The following NEB variants were observed in gnomAD, a reference collection of about 807,000 sequenced individuals.
The protein encoded by NEB is nemaline myopathy type 2.
Under a neutral mutation model 952.2 loss-of-function variants are expected in NEB, and 512 were observed. The observed-to-expected ratio is 0.54, with a 90% CI of 0.50 to 0.58. The LOEUF (loss-of-function observed/expected upper bound fraction) is 0.58, where lower values mean the gene tolerates loss of function less well. Among genes scored for constraint, NEB ranks in the 20% least tolerant of loss-of-function variants. NEB has a pLI of 0.00. For missense variants in NEB, 8,428 were observed against 9,231.1 expected, an observed-to-expected ratio of 0.91 and a Z score of 3.56; for synonymous variants, 2,900 against 3,149.8, an observed-to-expected ratio of 0.92 and a Z score of 2.66.
At chr2:151,567,670 A>C (rs1030399520) in intron 113 of NEB, among the ~76,000 whole-genome samples, 191 bp from the exon 114 acceptor site, 4 of 152,192 alleles carry the variant, frequency 2.6e-5, no homozygotes, top group Admixed American at 2.6e-4. Flanking sequence ...TAAAAATAGA[A>C]AAATATTCTG....
chr2:151,665,510 C>A lies in NEB; in HGVS notation c.5061G>T (p.Trp1687Cys), dbSNP rs765737421. 1.2e-6 allele frequency: 2 copies of A among 1,609,876 alleles called. No individual in the cohort carries two copies. Among genetic ancestry groups the A allele is most frequent in the Non-Finnish European group, 8.5e-7 (1 of 1,178,120 alleles). Residue 1687 changes from tryptophan (W) to cysteine (C), a missense_variant, in exon 42 of 182, where the codon TGG becomes TGT. Physicochemically the swap from Trp to Cys is radical, Grantham distance 215. Transcript: ENST00000397345. The part of the protein sequence containing the change: ...DNLYKSDFTN[W>C]MKGIGWVPIE... ...TGGGCACCCAGCCGATCCCTTTCAT[C>A]CAATTGGTGAAGTCAGATTTGTACA...
intron 13 of NEB, among the ~76,000 whole-genome samples, chr2:151,706,641 G>A (rs893863782): frequency 6.6e-6 from 1 of 152,122 alleles, no homozygotes; most frequent in Non-Finnish European, 1.5e-5. Flanking sequence ...GGTGCCCAGA[G>A]CTCCTAAGCA....
chr2:151,494,201 T>C lies in NEB; in HGVS notation c.24539A>G (p.Glu8180Gly). 3.7e-6 allele frequency: 6 copies of C among 1,608,642 alleles called. No homozygotes were observed. The highest frequency in any genetic ancestry group is 5.1e-6 in the Non-Finnish European group (6 of 1,177,152). The change falls in exon 174 of 182, where the codon GAG becomes GGG. Residue 8180 changes from glutamate to glycine, a missense_variant. Coordinates refer to ENST00000397345, the MANE Select transcript of NEB (RefSeq NM_001164508.2). The stretch of plus-strand genomic sequence containing the variant: ...TTGATTGCGTTTGACTCTCTGCATC[T>C]CAGGAGTGACAGGGGTTGCGGTGGC... ...GKATATPVTP[E>G]MQRVKRNQEN... is the part of the protein sequence containing the mutation.
chr2:151,526,146 G>T lies in NEB; in HGVS notation c.22050+12C>A. The T allele has an allele frequency of 6.2e-7, 1 of 1,613,064 alleles. No homozygotes were observed. Among genetic ancestry groups the T allele is most frequent in the Non-Finnish European group, 8.5e-7 (1 of 1,179,034 alleles). ...AAGAGGGAAGCAGAACTCATGGGCG[G>T]CTGGGGGTTACCTCAGACACCAGGT... On this transcript the variant is annotated intron_variant, in intron 149 of 181. Transcript: ENST00000397345.
At chr2:151,638,330 C>G (rs1314070870) in intron 63 of NEB, among the ~76,000 whole-genome samples, 1 of 152,202 alleles carries the variant, frequency 6.6e-6, no homozygotes, top group Non-Finnish European at 1.5e-5. Context: ...TCATTCCCCA[C>G]TCATAGTATT....
At chr2:151,625,907 AG>A (rs552826360) in intron 70 of NEB, among the ~76,000 whole-genome samples, 217 of 152,286 alleles carry the variant, frequency 1.4e-3, no homozygotes, top group African/African-American at 4.7e-3. Flanking sequence ...TTTGGTAACC[AG>A]GTCACTCTCA....
chr2:151,627,447 T>C, intron 69 of NEB, 76 bp downstream of exon 69: 5 of 1,560,068 alleles, frequency 3.2e-6, no homozygotes, highest in Non-Finnish European at 4.4e-6. Context: ...AGGTTCTACC[T>C]AATGCTAGAC....
Position 151,654,046 on chromosome 2 carries a change from TG to T in NEB, c.6860del (p.Pro2287GlnfsTer9). 1 of 1,612,612 alleles carries T rather than the reference TG, an allele frequency of 6.2e-7. No individual in the cohort carries two copies. Among genetic ancestry groups the T allele is most frequent in the Non-Finnish European group, 8.5e-7 (1 of 1,179,078 alleles). On this transcript the variant is annotated frameshift_variant, in exon 52 of 182. Transcript: ENST00000397345. LOFTEE classifies it high-confidence loss of function. ...CTAGCTGTACAGAAATTGCATCAACTGGGAGATCATAGCCTTTCTTCAAAGC... is the reference window on the plus strand; with the variant it reads ...CTAGCTGTACAGAAATTGCATCAACTGGAGATCATAGCCTTTCTTCAAAGC... ...EEALKKGYDL[P>X]VDAISVQLAK...
At chr2:151,679,441 C>T (rs991666025) in intron 32 of NEB, among the ~76,000 whole-genome samples, 2 of 152,136 alleles carry the variant, frequency 1.3e-5, no homozygotes, top group African/African-American at 4.8e-5. Flanking sequence ...TAAGTCACTT[C>T]TGGATCTCCA....
intron 75 of NEB, among the ~76,000 whole-genome samples, chr2:151,616,848 T>C (rs1233128856): frequency 1.3e-5 from 2 of 152,252 alleles, no homozygotes; most frequent in Non-Finnish European, 2.9e-5. Context: ...TGTGCTTATT[T>C]TTTCTTATTT....
In NEB at chr2:151,658,176, CT is replaced by C. The variant is rs67239108; in HGVS notation, c.6076-87del. 1.2e-3 allele frequency: 1,116 copies of C among 959,364 alleles called. 1 individual carries two copies. The highest frequency in any genetic ancestry group is 2.2e-3 in the South Asian group (133 of 60,842). The allele number at this position is 959,364 out of a possible 1,614,324, so 59.4% of individuals were successfully genotyped here. On this transcript the variant is annotated intron_variant, in intron 47 of 181. Transcript: ENST00000397345. The stretch of plus-strand genomic sequence containing the variant: ...GAAGAGTAAACTACCACTGTGGCGT[CT>C]TTTTTTTTGTTTTTGAGCAGAATGC...
chr2:151,642,830 C>G lies in NEB; in HGVS notation c.8200G>C (p.Val2734Leu), dbSNP rs752791822. ...TEAWDKDKTT[V>L]HIMPDTPEVL... ...TCAGGGGTATCTGGCATAATGTGGACAGTGGTTTTATCTTTATCCCAAGCT... is the reference window on the plus strand; with the variant it reads ...TCAGGGGTATCTGGCATAATGTGGAGAGTGGTTTTATCTTTATCCCAAGCT... Residue 2734 changes from valine to leucine, a missense_variant, in exon 59 of 182, where the codon GTC becomes CTC. Physicochemically the swap from Val to Leu is conservative, Grantham distance 32. Coordinates refer to ENST00000397345, the MANE Select transcript of NEB (RefSeq NM_001164508.2). 5 of 1,612,858 alleles carry G rather than the reference C, an allele frequency of 3.1e-6. No individual in the cohort carries two copies. In the South Asian group the frequency reaches 5.5e-5, roughly 18 times the overall value.
chr2:151,644,008 T>C lies in NEB; in HGVS notation c.7766A>G (p.Tyr2589Cys). The C allele has an allele frequency of 6.2e-7, 1 of 1,613,864 alleles. No homozygotes were observed. Among genetic ancestry groups the C allele is most frequent in the East Asian group, 2.2e-5 (1 of 44,890 alleles). The change falls in exon 57 of 182, where the codon TAC becomes TGC. Residue 2589 changes from tyrosine to cysteine, a missense_variant. Physicochemically the swap from Tyr to Cys is radical, Grantham distance 194. Around this residue, in one of 11 missense-constraint regions of NEB, gnomAD observed 1,772 missense variants for 1,960.3 expected, o/e 0.90. Transcript: ENST00000397345. Reference sequence around the variant, plus strand: ...CTTCCACTTCTCAAAGTCCTTCTTGTACTCCCTGTCACTCTGGATCTTGGC... The same window carrying C: ...CTTCCACTTCTCAAAGTCCTTCTTGCACTCCCTGTCACTCTGGATCTTGGC... Reference protein sequence around the residue: ...HVAKIQSDREYKKDFEKWKTK... With the variant: ...HVAKIQSDRECKKDFEKWKTK...
rs2096134709 is a variant in NEB at position 151,562,549 on chromosome 2, G to C, written c.18891+62C>G. ...CGGGAGCATGGCAGCCAGGGTTGGG[G>C]GGTAGCCAAGACACAGTCATGGAAG... is the stretch of plus-strand genomic sequence containing the variant. On this transcript the variant is annotated intron_variant, in intron 120 of 181. Transcript: ENST00000397345. The C allele has an allele frequency of 3.7e-5, 53 of 1,422,904 alleles. 1 individual carries two copies. The South Asian group carries it at 7.1e-4, about 19-fold the overall frequency. 88.1% of individuals were successfully genotyped at this position (1,422,904 alleles called of 1,614,324 possible).
In NEB at chr2:151,490,091, G is replaced by A. The variant is rs776453091; in HGVS notation, c.25298-14C>T. ...CATGTTTGTAAGCTGAAAAAAAGGGGGCAAATTCTTTATAAGAAGAAAAAT... is the reference window on the plus strand; with the variant it reads ...CATGTTTGTAAGCTGAAAAAAAGGGAGCAAATTCTTTATAAGAAGAAAAAT... On this transcript the variant is annotated splice_polypyrimidine_tract_variant and intron_variant, in intron 180 of 181. Coordinates refer to ENST00000397345, the MANE Select transcript of NEB (RefSeq NM_001164508.2). 1 of 1,577,268 alleles carries A rather than the reference G, an allele frequency of 6.3e-7. No individual in the cohort carries two copies. The highest frequency in any genetic ancestry group is 1.8e-5 in the Admixed American group (1 of 56,824).
chr2:151,631,413 A>G (rs751865750), intron 65 of NEB, 67 bp from the exon 66 acceptor site: 1 of 1,491,076 alleles, frequency 6.7e-7, no homozygotes. Context: ...ATATGCAAAT[A>G]GAATCAGTAA....
At chr2:151,637,923 C>A (rs1560800573) in intron 63 of NEB, among the ~76,000 whole-genome samples, 1 of 152,184 alleles carries the variant, frequency 6.6e-6, no homozygotes, top group Non-Finnish European at 1.5e-5. Flanking sequence ...CATCTAAATT[C>A]TCTAAATTAT....
intron 142 of NEB, chr2:151,534,369 C>A (rs751252166): frequency 6.6e-7 from 1 of 1,514,292 alleles, no homozygotes; most frequent in South Asian, 1.1e-5. Flanking sequence ...TTCAAGGCTA[C>A]ACAAAAATGT....
chr2:151,560,020 A>C (rs976273455), intron 124 of NEB, among the ~76,000 whole-genome samples: 1 of 152,218 alleles, frequency 6.6e-6, no homozygotes, highest in Non-Finnish European at 1.5e-5. Context: ...TTAAAGGCAT[A>C]AAGAGTTAGA....
Sources: allele counts gnomAD v4.1 joint callset (sites outside exome capture counted in the v4.1 genomes callset), GRCh38; gene constraint gnomAD v4.1.1; regional missense constraint gnomAD v4.1.1; transcripts MANE v1.5; gene names NCBI Gene and HGNC (gene_info 2026-07-23, HGNC 2026-07-21).